The following LAMA2 variants were observed in gnomAD, a reference collection of about 807,000 sequenced individuals.
LAMA2 encodes laminin subunit alpha 2, also known as laminin subunit alpha-2.
A neutral mutation model predicts 364.8 loss-of-function variants in LAMA2; 269 were observed. The ratio of observed to expected loss-of-function variants is 0.74; its 90% CI spans 0.67 to 0.82. The LOEUF (loss-of-function observed/expected upper bound fraction) is 0.82. LAMA2 is among the 40% of genes least tolerant of loss of function. LAMA2 has a pLI of 0.00. For synonymous variants in LAMA2, 1,379 were observed against 1,370.6 expected (o/e 1.01, Z -0.14); for missense variants, 3,807 against 3,873.2 (o/e 0.98, Z 0.45).
At chr6:128,886,898 G>A (rs189087240) in intron 1 of LAMA2, among the ~76,000 whole-genome samples, 9 of 152,186 alleles carry the variant, frequency 5.9e-5, no homozygotes, top group Non-Finnish European at 1.2e-4. Flanking sequence ...GATGCTTTAT[G>A]AGGGAATGCC....
chr6:129,508,724 T>C (rs1242257449), intron 62 of LAMA2, among the ~76,000 whole-genome samples: 1 of 152,226 alleles, frequency 6.6e-6, no homozygotes, highest in African/African-American at 2.4e-5. Context: ...GGCTTATTCA[T>C]ATCCAGTATG....
Position 129,393,226 on chromosome 6 carries a change from GTAAATCAGA to G in LAMA2, c.5417_5425del (p.Val1806_Lys1809delinsGlu), listed in dbSNP as rs1779421003. ...CAGAGAAGCTAATCGCCTATTTGCA[GTAAATCAGA>G]AAAACATGACTGCATTGGAGGTGAG... On this transcript the variant is annotated inframe_deletion, in exon 37 of 65. Transcript: ENST00000421865. 2 of 1,613,992 alleles carry G rather than the reference GTAAATCAGA, an allele frequency of 1.2e-6. No individual in the cohort carries two copies. Among genetic ancestry groups the G allele is most frequent in the East Asian group, 4.5e-5 (2 of 44,862 alleles).
rs2115033410 is a variant in LAMA2 at position 129,190,213 on chromosome 6, T to G, written c.1476T>G (p.Val492=). The change falls in exon 11 of 65, where the codon GTT becomes GTG. Residue 492 remains valine (V), a synonymous_variant. Coordinates refer to ENST00000421865, the MANE Select transcript of LAMA2 (RefSeq NM_000426.4). ...CATCTCTTTATTTGCAGGAAAATGT[T>G]GAAGGAGGAGACTGTAGTCGTTGCA... ...CFGPCICKEN[V]EGGDCSRCKS... is the part of the protein sequence containing the mutation. The G allele has an allele frequency of 6.2e-7, 1 of 1,613,556 alleles. No individual in the cohort carries two copies. Among genetic ancestry groups the G allele is most frequent in the Middle Eastern group, 1.6e-4 (1 of 6,062 alleles).
intron 3 of LAMA2, among the ~76,000 whole-genome samples, chr6:129,063,705 G>C (rs1789091780): frequency 6.6e-6 from 1 of 152,090 alleles, no homozygotes; most frequent in East Asian, 1.9e-4. Flanking sequence ...TTATCTTACA[G>C]CTACAGAGAT....
chr6:129,133,942 G>A (rs1488086327), intron 4 of LAMA2, among the ~76,000 whole-genome samples: 1 of 152,080 alleles, frequency 6.6e-6, no homozygotes, highest in Admixed American at 6.5e-5. Flanking sequence ...TGAGAATGAA[G>A]GAGACTGAAT....
At chr6:128,986,377 GT>G (rs1159657728) in intron 1 of LAMA2, among the ~76,000 whole-genome samples, 2 of 152,094 alleles carry the variant, frequency 1.3e-5, no homozygotes, top group Non-Finnish European at 2.9e-5. Flanking sequence ...CGGTAGGGCT[GT>G]TCACTGTTAA....
chr6:129,374,049 G>T (rs892584409), intron 34 of LAMA2, among the ~76,000 whole-genome samples: 3 of 152,170 alleles, frequency 2.0e-5, no homozygotes, highest in African/African-American at 7.2e-5. Flanking sequence ...TGAGAAGGGG[G>T]AGGAAATGTA....
intron 12 of LAMA2, among the ~76,000 whole-genome samples, chr6:129,231,701 C>T (rs73601131): frequency 0.017 from 2,583 of 152,040 alleles, 82 homozygotes; most frequent in African/African-American, 0.06. Flanking sequence ...ATGCACTTTC[C>T]TCCTCTTTCT....
At chr6:129,430,072 G>A (rs532408414) in intron 41 of LAMA2, among the ~76,000 whole-genome samples, 5 of 152,258 alleles carry the variant, frequency 3.3e-5, no homozygotes, top group African/African-American at 7.2e-5. Context: ...AGGCTATGAC[G>A]GAGATGGGAA....
At chr6:128,961,218 T>C (rs1054423606) in intron 1 of LAMA2, among the ~76,000 whole-genome samples, 1 of 149,154 alleles carries the variant, frequency 6.7e-6, no homozygotes, top group Non-Finnish European at 1.5e-5. Flanking sequence ...TGAATTCTTA[T>C]CCTCACCCCT....
chr6:129,289,510 A>T (rs1233049670), intron 19 of LAMA2, among the ~76,000 whole-genome samples: 1 of 152,132 alleles, frequency 6.6e-6, no homozygotes, highest in Non-Finnish European at 1.5e-5. Flanking sequence ...TCAGTTGTTC[A>T]CCAGTGAATT....
At chr6:129,075,668 G>A (rs1773588239) in intron 3 of LAMA2, among the ~76,000 whole-genome samples, 1 of 152,092 alleles carries the variant, frequency 6.6e-6, no homozygotes, top group Non-Finnish European at 1.5e-5. Context: ...TGGAGAGTGG[G>A]GCCAAAATGT....
At chr6:129,178,989 C>T (rs942303240) in intron 10 of LAMA2, among the ~76,000 whole-genome samples, 5 of 152,108 alleles carry the variant, frequency 3.3e-5, no homozygotes. Flanking sequence ...GCAGAAAAGT[C>T]CACAAGCCCA....
intron 62 of LAMA2, among the ~76,000 whole-genome samples, chr6:129,509,937 T>G (rs538165692): frequency 3.3e-5 from 5 of 152,316 alleles, no homozygotes; most frequent in African/African-American, 1.2e-4. Context: ...CTGGGTAGTA[T>G]GGACATTTTA....
intron 28 of LAMA2, among the ~76,000 whole-genome samples, chr6:129,321,569 T>G (rs1774969882): frequency 1.3e-5 from 2 of 152,186 alleles, no homozygotes; most frequent in African/African-American, 2.4e-5. Context: ...AGTTAGATAT[T>G]ATTAAATCTC....
intron 59 of LAMA2, 68 bp downstream of exon 59, chr6:129,502,839 A>G: frequency 9.6e-7 from 1 of 1,042,204 alleles, no homozygotes; most frequent in East Asian, 2.4e-5. Context: ...TGTTTAATCA[A>G]GTTGAATCTA....
chr6:129,118,284 A>G (rs1390455912), intron 4 of LAMA2, among the ~76,000 whole-genome samples: 1 of 152,200 alleles, frequency 6.6e-6, no homozygotes, highest in Non-Finnish European at 1.5e-5. Context: ...AAAAATAAAA[A>G]ACAAAAACTG....
intron 18 of LAMA2, among the ~76,000 whole-genome samples, chr6:129,283,673 A>G (rs761686259): frequency 6.6e-6 from 1 of 151,230 alleles, no homozygotes; most frequent in African/African-American, 2.4e-5. Context: ...GATTCATACT[A>G]GATATCAAAG....
At chr6:129,382,733 C>G (rs1168818862) in intron 34 of LAMA2, among the ~76,000 whole-genome samples, 1 of 152,206 alleles carries the variant, frequency 6.6e-6, no homozygotes, top group Admixed American at 6.5e-5. Context: ...GAGATCATTG[C>G]TGCACTCCAC....
Sources: allele counts gnomAD v4.1 joint callset (sites outside exome capture counted in the v4.1 genomes callset), GRCh38; gene constraint gnomAD v4.1.1; transcripts MANE v1.5; gene names NCBI Gene and HGNC (gene_info 2026-07-23, HGNC 2026-07-21).